KHDRBS3: variants seen among roughly 807,000 people sequenced by gnomAD.
KHDRBS3 encodes KH RNA binding domain containing, signal transduction associated 3, also known as KH domain-containing, RNA-binding, signal transduction-associated protein 3.
KHDRBS3 carries 23 observed loss-of-function variants against 45.6 expected under a neutral mutation model. The ratio of observed to expected loss-of-function variants is 0.50; its 90% CI spans 0.36 to 0.72. KHDRBS3 has a LOEUF of 0.72. KHDRBS3 is among the 30% of genes least tolerant of loss of function. The probability of loss-of-function intolerance (pLI) is 0.00; values close to 1 mark genes in which losing one functional copy is unlikely to be tolerated. For missense variants in KHDRBS3, 352 were observed against 424.8 expected (o/e 0.83, Z 1.51); for synonymous variants, 162 against 156.5 (o/e 1.04, Z -0.26).
chr8:135,555,834 C>T (rs950956267), intron 4 of KHDRBS3, among the ~76,000 whole-genome samples: 7 of 152,132 alleles, frequency 4.6e-5, no homozygotes, highest in African/African-American at 9.7e-5. Context: ...TGGTTTGCTG[C>T]ACCCGTCAAC....
chr8:135,564,530 A>G (rs1827311970), intron 5 of KHDRBS3, among the ~76,000 whole-genome samples: 2 of 152,314 alleles, frequency 1.3e-5, no homozygotes, highest in East Asian at 3.9e-4. Context: ...GCCTGGGGCA[A>G]ATATCATGAA....
chr8:135,631,496 GAC>G (rs1353119100), intron 7 of KHDRBS3, among the ~76,000 whole-genome samples: 7 of 151,764 alleles, frequency 4.6e-5, no homozygotes, highest in African/African-American at 1.7e-4. Context: ...TAAAAACTGA[GAC>G]AGACACACAC....
At chr8:135,653,809 C>G (rs1831477909) in intron 4 of KHDRBS3, among the ~76,000 whole-genome samples, 2 of 152,154 alleles carry the variant, frequency 1.3e-5, no homozygotes, top group South Asian at 4.1e-4. Context: ...ATAACCCCAT[C>G]CTAAGATGAG....
chr8:135,606,029 C>G (rs1829446451), intron 6 of KHDRBS3, among the ~76,000 whole-genome samples: 1 of 151,946 alleles, frequency 6.6e-6, no homozygotes, highest in Non-Finnish European at 1.5e-5. Flanking sequence ...CTTATAAAGT[C>G]TCTATTTCTT....
At chr8:135,459,022 G>A in intron 1 of KHDRBS3, 1 of 454,276 alleles carries the variant, frequency 2.2e-6, no homozygotes, top group Non-Finnish European at 4.4e-6. Context: ...GGAAATGGCA[G>A]CAACATGATC....
intron 2 of KHDRBS3, among the ~76,000 whole-genome samples, chr8:135,535,443 A>G (rs1184956362): frequency 4.7e-5 from 7 of 147,504 alleles, no homozygotes. Context: ...ACTATTATAT[A>G]TAGTTTATAC....
chr8:135,614,527 A>G (rs1252671443), intron 7 of KHDRBS3, among the ~76,000 whole-genome samples: 1 of 151,858 alleles, frequency 6.6e-6, no homozygotes, highest in African/African-American at 2.4e-5. Context: ...TAGAGTGATC[A>G]TAAACTAAAT....
At chr8:135,607,096 T>C (rs898376279) in intron 7 of KHDRBS3, 59 bp downstream of exon 7, 5 of 1,347,188 alleles carry the variant, frequency 3.7e-6, no homozygotes, top group Non-Finnish European at 5.3e-6. Flanking sequence ...TCCACATTCA[T>C]ATATTCTGGG....
At chr8:135,598,734 A>C (rs867642523) in intron 6 of KHDRBS3, among the ~76,000 whole-genome samples, 8 of 152,224 alleles carry the variant, frequency 5.3e-5, no homozygotes, top group African/African-American at 1.9e-4. Flanking sequence ...ATTACCTAGA[A>C]CCCCAGTGAA....
chr8:135,557,438 T>C lies in KHDRBS3; in HGVS notation c.472-10T>C, dbSNP rs373450486. 107 of 1,582,188 alleles carry C rather than the reference T, an allele frequency of 6.8e-5. No homozygotes were observed. The highest frequency in any genetic ancestry group is 8.9e-5 in the Non-Finnish European group (104 of 1,162,522). ...GAAGTGAATTTTGCTATCTTCTGTCTTTTGTGTAGGATTATAATGATGAGA... is the reference window on the plus strand; with the variant it reads ...GAAGTGAATTTTGCTATCTTCTGTCCTTTGTGTAGGATTATAATGATGAGA... On this transcript the variant is annotated splice_polypyrimidine_tract_variant and intron_variant, in intron 4 of 8. Transcript: ENST00000355849.
chr8:135,458,900 T>A (rs562113126), intron 1 of KHDRBS3: 1 of 456,298 alleles, frequency 2.2e-6, no homozygotes, highest in East Asian at 7.0e-5. Context: ...AATCATCTGC[T>A]GGCATGCACG....
intron 2 of KHDRBS3, among the ~76,000 whole-genome samples, chr8:135,532,768 T>A (rs1450280607): frequency 6.6e-6 from 1 of 152,284 alleles, no homozygotes; most frequent in East Asian, 1.9e-4. Flanking sequence ...CCTATGCTTT[T>A]AAGAAATTAA....
chr8:135,577,879 T>C (rs944402467), intron 5 of KHDRBS3, among the ~76,000 whole-genome samples: 9 of 152,322 alleles, frequency 5.9e-5, no homozygotes, highest in Admixed American at 2.6e-4. Flanking sequence ...GTTTATGTTT[T>C]TCATATCCTC....
At chr8:135,558,665 A>G (rs1423809725) in intron 5 of KHDRBS3, among the ~76,000 whole-genome samples, 2 of 152,190 alleles carry the variant, frequency 1.3e-5, no homozygotes, top group South Asian at 4.1e-4. Context: ...TACTCAGTAA[A>G]TGGTAAATCT....
intron 1 of KHDRBS3, among the ~76,000 whole-genome samples, chr8:135,497,093 TGGAA>T (rs1186713089): frequency 6.6e-6 from 1 of 152,168 alleles, no homozygotes; most frequent in Non-Finnish European, 1.5e-5. Flanking sequence ...CCTCTGTCCT[TGGAA>T]GGAGTAAGAG....
chr8:135,529,430 C>A (rs1035519589), intron 2 of KHDRBS3, among the ~76,000 whole-genome samples: 2 of 152,164 alleles, frequency 1.3e-5, no homozygotes, highest in Non-Finnish European at 2.9e-5. Flanking sequence ...GCTCTCCTTA[C>A]AGTGCTTGAT....
At chr8:135,631,478 G>A (rs531033502) in intron 7 of KHDRBS3, among the ~76,000 whole-genome samples, 81 of 150,706 alleles carry the variant, frequency 5.4e-4, no homozygotes, top group South Asian at 2.1e-3. Flanking sequence ...CTTTTTAAAC[G>A]TTTCTGTTAA....
intron 2 of KHDRBS3, among the ~76,000 whole-genome samples, chr8:135,522,476 A>G (rs1243524932): frequency 1.3e-5 from 2 of 152,222 alleles, no homozygotes; most frequent in Non-Finnish European, 2.9e-5. Flanking sequence ...ATTACAAGAA[A>G]TTGTCATACT....
chr8:135,654,087 C>T (rs775278703), intron 4 of KHDRBS3, among the ~76,000 whole-genome samples: 11 of 152,116 alleles, frequency 7.2e-5, no homozygotes, highest in Non-Finnish European at 1.5e-4. Context: ...TAAATTATCA[C>T]TATTTTTTAC....
Sources: allele counts gnomAD v4.1 joint callset (sites outside exome capture counted in the v4.1 genomes callset), GRCh38; gene constraint gnomAD v4.1.1; transcripts MANE v1.5; gene names NCBI Gene and HGNC (gene_info 2026-07-23, HGNC 2026-07-21).